The following SYT16 variants were observed in gnomAD, a reference collection of about 807,000 sequenced individuals.
The protein encoded by SYT16 is synaptotagmin 16, also known as synaptotagmin-16.
In SYT16, 42 loss-of-function variants were observed where a neutral mutation model predicts 61.4. The observed-to-expected ratio is 0.68, with a 90% CI of 0.53 to 0.89. SYT16 has a LOEUF of 0.89. Ranked by LOEUF, SYT16 falls within the 40% of genes least tolerant of loss-of-function variation. SYT16 has a pLI of 0.00. For missense variants in SYT16, 804 were observed against 807.3 expected (o/e 1.00, Z 0.05); for synonymous variants, 314 against 302.3 (o/e 1.04, Z -0.40).
At chr14:61,985,623 C>A (rs2039450290) in intron 2 of SYT16, among the ~76,000 whole-genome samples, 1 of 152,078 alleles carries the variant, frequency 6.6e-6, no homozygotes, top group South Asian at 2.1e-4. Context: ...CCTTTTAAGA[C>A]TCTGAAAAAG....
Position 61,970,236 on chromosome 14 carries a change from G to A in SYT16, c.-220G>A, listed in dbSNP as rs2051489603. ...CAAGAAGCTGTGTTTTGAAACGATA[G>A]GAGGCCTTCCTTTCCTGGAGCATCG... On this transcript the variant is annotated 5_prime_UTR_variant, in exon 2 of 8. Transcript: ENST00000683842. 6.6e-6 allele frequency: 1 copy of A among 152,108 alleles called. No individual in the cohort carries two copies. Among genetic ancestry groups the A allele is most frequent in the Non-Finnish European group, 1.5e-5 (1 of 68,052 alleles). 9.4% of individuals were successfully genotyped at this position (152,108 alleles called of 1,614,324 possible).
chr14:61,949,588 C>T (rs1466897976), intron 1 of SYT16, among the ~76,000 whole-genome samples: 1 of 152,192 alleles, frequency 6.6e-6, no homozygotes, highest in Non-Finnish European at 1.5e-5. Flanking sequence ...TCCTGAGTAG[C>T]TGAGACTATA....
intron 5 of SYT16, among the ~76,000 whole-genome samples, chr14:62,075,622 A>G (rs28661352): frequency 0.037 from 4,204 of 113,364 alleles, 214 homozygotes; most frequent in African/African-American, 0.12. Flanking sequence ...AAAAAAAAGA[A>G]AAAAAGAAAA....
At chr14:62,021,076 T>C (rs1006620018) in intron 3 of SYT16, among the ~76,000 whole-genome samples, 1 of 152,222 alleles carries the variant, frequency 6.6e-6, no homozygotes, top group Non-Finnish European at 1.5e-5. Context: ...TCTTGTATTA[T>C]AATAATTATT....
chr14:62,046,755 G>C (rs1272938215), intron 3 of SYT16, among the ~76,000 whole-genome samples: 1 of 152,178 alleles, frequency 6.6e-6, no homozygotes, highest in Non-Finnish European at 1.5e-5. Flanking sequence ...TCAAAGATCA[G>C]ATAGTTGTAG....
At chr14:61,918,605 A>C (rs549772281) in intron 1 of SYT16, among the ~76,000 whole-genome samples, 1 of 152,284 alleles carries the variant, frequency 6.6e-6, no homozygotes, top group South Asian at 2.1e-4. Flanking sequence ...CTGGCAAGAA[A>C]AGCATGATGT....
At chr14:61,986,057 A>G (rs1221251922) in intron 2 of SYT16, among the ~76,000 whole-genome samples, 1 of 152,182 alleles carries the variant, frequency 6.6e-6, no homozygotes, top group South Asian at 2.1e-4. Context: ...AGGATATTAA[A>G]CATATTTTTT....
At chr14:61,873,497 A>G (rs2047394817) in intron 1 of SYT16, among the ~76,000 whole-genome samples, 1 of 152,182 alleles carries the variant, frequency 6.6e-6, no homozygotes. Context: ...GCCTATGCCC[A>G]TTGGCCACAG....
intron 3 of SYT16, among the ~76,000 whole-genome samples, chr14:62,057,656 C>T (rs902098378): frequency 6.6e-6 from 1 of 152,084 alleles, no homozygotes; most frequent in Non-Finnish European, 1.5e-5. Context: ...TTCTCAACTG[C>T]ACAGAAATGA....
In SYT16 at chr14:62,108,151, C is replaced by T. The variant is rs1008176066; in HGVS notation, c.*7444C>T. 3.3e-5 allele frequency: 5 copies of T among 152,210 alleles called. No individual in the cohort carries two copies. Among genetic ancestry groups the T allele is most frequent in the Admixed American group, 3.3e-4 (5 of 15,284 alleles). The allele number at this position is 152,210 out of a possible 1,614,324, so 9.4% of individuals were successfully genotyped here. A position where few individuals can be genotyped will look rare whatever the true frequency, so the allele number is the denominator to read the frequency against. ...AAGGTCAACATTGGGAGTGTCCCTA[C>T]CTTGGCAGATAGACCAATACTTTTT... On this transcript the variant is annotated 3_prime_UTR_variant, in exon 8 of 8. Coordinates refer to ENST00000683842, the MANE Select transcript of SYT16 (RefSeq NM_001367656.1).
intron 2 of SYT16, among the ~76,000 whole-genome samples, chr14:61,989,286 GC>G (rs1595092515): frequency 6.6e-6 from 1 of 152,226 alleles, no homozygotes; most frequent in East Asian, 1.9e-4. Context: ...TGTTATAGCT[GC>G]TTTAAAAACA....
chr14:61,868,424 G>A (rs2047228509), intron 1 of SYT16, among the ~76,000 whole-genome samples: 1 of 151,816 alleles, frequency 6.6e-6, no homozygotes, highest in South Asian at 2.1e-4. Context: ...TTCTTAAAAT[G>A]GAAGCATTGA....
At chr14:62,089,600 A>G (rs1440945034) in intron 7 of SYT16, among the ~76,000 whole-genome samples, 1 of 152,248 alleles carries the variant, frequency 6.6e-6, no homozygotes, top group Non-Finnish European at 1.5e-5. Flanking sequence ...ATTTATAAAC[A>G]TAAATAAGTA....
At chr14:61,937,423 T>G (rs1331849794) in intron 1 of SYT16, among the ~76,000 whole-genome samples, 1 of 152,214 alleles carries the variant, frequency 6.6e-6, no homozygotes, top group African/African-American at 2.4e-5. Flanking sequence ...GTAAGGTACA[T>G]AGGAGCTGTA....
chr14:61,869,184 G>T (rs2047250296), intron 1 of SYT16, among the ~76,000 whole-genome samples: 1 of 151,832 alleles, frequency 6.6e-6, no homozygotes, highest in Admixed American at 6.6e-5. Context: ...AGTATTTCCT[G>T]CAGATAGCAT....
Position 62,103,704 on chromosome 14 carries a change from A to G in SYT16, c.*2997A>G, listed in dbSNP as rs2057462636. On this transcript the variant is annotated 3_prime_UTR_variant, in exon 8 of 8. Coordinates refer to ENST00000683842, the MANE Select transcript of SYT16 (RefSeq NM_001367656.1). ...TGGACTCTGTTTTTGCTGATGCTGCATAACTGTTGGAGGTGGGGGTGTCTT... is the reference window on the plus strand; with the variant it reads ...TGGACTCTGTTTTTGCTGATGCTGCGTAACTGTTGGAGGTGGGGGTGTCTT... 1 of 152,186 alleles carries G rather than the reference A, an allele frequency of 6.6e-6. No homozygotes were observed. The highest frequency in any genetic ancestry group is 1.5e-5 in the Non-Finnish European group (1 of 68,042). 9.4% of individuals were successfully genotyped at this position (152,186 alleles called of 1,614,324 possible).
At chr14:62,091,831 C>G (rs1261306570) in intron 7 of SYT16, among the ~76,000 whole-genome samples, 1 of 152,032 alleles carries the variant, frequency 6.6e-6, no homozygotes, top group Non-Finnish European at 1.5e-5. Context: ...AATGCATAGG[C>G]AACAAAATTA....
intron 3 of SYT16, among the ~76,000 whole-genome samples, chr14:62,061,592 C>T (rs1447918322): frequency 2.6e-5 from 4 of 151,942 alleles, no homozygotes; most frequent in African/African-American, 9.7e-5. Context: ...GAAGCTAGTG[C>T]AGTTACATTA....
chr14:62,101,408 A>G lies in SYT16; in HGVS notation c.*701A>G, dbSNP rs2057415643. 6.6e-6 allele frequency: 1 copy of G among 152,154 alleles called. No homozygotes were observed. Among genetic ancestry groups the G allele is most frequent in the African/African-American group, 2.4e-5 (1 of 41,458 alleles). The allele number at this position is 152,154 out of a possible 1,614,324, so 9.4% of individuals were successfully genotyped here. On this transcript the variant is annotated 3_prime_UTR_variant, in exon 8 of 8. Transcript: ENST00000683842. ...TAAGACAACTTGTCTCCTTTTGAAT[A>G]TGTAAGATTTCAAACTTGTGACTTT...
Sources: allele counts gnomAD v4.1 joint callset (sites outside exome capture counted in the v4.1 genomes callset), GRCh38; gene constraint gnomAD v4.1.1; transcripts MANE v1.5; gene names NCBI Gene and HGNC (gene_info 2026-07-23, HGNC 2026-07-21).